The following AGBL1 variants were observed in gnomAD, a reference collection of about 807,000 sequenced individuals.
AGBL1 encodes cytosolic carboxypeptidase 4.
Under a neutral mutation model 118.9 loss-of-function variants are expected in AGBL1, and 130 were observed. The observed-to-expected ratio is 1.09, with a 90% CI of 0.95 to 1.26. AGBL1 has a LOEUF of 1.26. AGBL1 is among the 50% of genes most tolerant of loss of function. AGBL1 has a pLI of 0.00. For synonymous variants in AGBL1, 555 were observed against 478.9 expected (o/e 1.16, Z -2.08); for missense variants, 1,584 against 1,298.1 (o/e 1.22, Z -3.38).
At chr15:86,336,586 C>T (rs1231314654) in intron 17 of AGBL1, among the ~76,000 whole-genome samples, 1 of 152,152 alleles carries the variant, frequency 6.6e-6, no homozygotes, top group African/African-American at 2.4e-5. Flanking sequence ...CTGGCATCAG[C>T]ATGAGGAGGG....
intron 19 of AGBL1, among the ~76,000 whole-genome samples, chr15:86,523,775 A>G (rs2083222537): frequency 6.6e-6 from 1 of 152,196 alleles, no homozygotes; most frequent in Non-Finnish European, 1.5e-5. Flanking sequence ...CCAAGCCTCT[A>G]GTACTATACA....
intron 23 of AGBL1, among the ~76,000 whole-genome samples, chr15:86,964,330 G>A (rs2081027517): frequency 6.6e-6 from 1 of 151,872 alleles, no homozygotes; most frequent in Non-Finnish European, 1.5e-5. Flanking sequence ...GGAGGGTTAT[G>A]CTATGTATTG....
intron 5 of AGBL1, among the ~76,000 whole-genome samples, chr15:86,160,278 A>G (rs2077249267): frequency 2.6e-5 from 4 of 152,084 alleles, no homozygotes; most frequent in African/African-American, 9.7e-5. Context: ...TAAAAAACTC[A>G]GGGACCAAAA....
chr15:86,636,702 CAT>C lies in AGBL1; in HGVS notation c.2995-37515_2995-37514del, dbSNP rs1157674222. On this transcript the variant is annotated intron_variant, in intron 21 of 22. Coordinates refer to ENST00000614907, the MANE Select transcript of AGBL1 (RefSeq NM_001386094.1). ...TACAGCTTTGCATGGAACCACCAGT[CAT>C]ATATATATATATATATATATATATA... is the stretch of plus-strand genomic sequence containing the variant. Among the ~76,000 whole-genome samples the C allele has an allele frequency of 2.9e-3, 77 of 26,740 alleles. 3 individuals are homozygous for C. Among genetic ancestry groups the C allele is most frequent in the Non-Finnish European group, 4.4e-3 (51 of 11,666 alleles). 17.5% of individuals were successfully genotyped at this position (26,740 alleles called of 152,430 possible).
intron 17 of AGBL1, among the ~76,000 whole-genome samples, chr15:86,389,205 A>G (rs1410777388): frequency 6.6e-6 from 1 of 152,200 alleles, no homozygotes; most frequent in African/African-American, 2.4e-5. Context: ...AATTTCGATA[A>G]AAGTTTTTTT....
At chr15:86,343,095 T>C (rs1393880154) in intron 17 of AGBL1, among the ~76,000 whole-genome samples, 1 of 152,186 alleles carries the variant, frequency 6.6e-6, no homozygotes, top group Non-Finnish European at 1.5e-5. Context: ...CTTGATGTGC[T>C]GGACATTTTC....
intron 17 of AGBL1, among the ~76,000 whole-genome samples, chr15:86,386,947 G>T (rs1017767545): frequency 3.0e-4 from 46 of 152,096 alleles, no homozygotes; most frequent in Non-Finnish European, 3.1e-4. Flanking sequence ...GACATAACTG[G>T]GCATGGAGGA....
intron 22 of AGBL1, among the ~76,000 whole-genome samples, chr15:86,884,329 A>G (rs535529273): frequency 6.6e-6 from 1 of 152,288 alleles, no homozygotes; most frequent in African/African-American, 2.4e-5. Flanking sequence ...TCAGGCCAGG[A>G]TGGAGTGGGA....
intron 5 of AGBL1, among the ~76,000 whole-genome samples, chr15:86,204,732 G>T (rs2077963318): frequency 6.6e-6 from 1 of 152,126 alleles, no homozygotes; most frequent in Admixed American, 6.5e-5. Flanking sequence ...TGGGACTACA[G>T]GCGTGCACCA....
intron 22 of AGBL1, among the ~76,000 whole-genome samples, chr15:86,854,211 G>T (rs1488577761): frequency 6.6e-6 from 1 of 152,114 alleles, no homozygotes; most frequent in Non-Finnish European, 1.5e-5. Flanking sequence ...AGTTGATGGG[G>T]GTGTACATCC....
In AGBL1 at chr15:86,754,429, G is replaced by A. The variant is rs143298363; in HGVS notation, c.3158+79993G>A. On this transcript the variant is annotated intron_variant, in intron 22 of 22. Transcript: ENST00000614907. ...ATGGTTCTGTCACCAGGTAGGTTCT[G>A]ATGTCTGGGTTTTGTTTATTTTCCT... Among the ~76,000 whole-genome samples, 20 of 152,252 alleles carry A rather than the reference G, an allele frequency of 1.3e-4. No individual in the cohort carries two copies. The East Asian group carries it at 3.5e-3, about 27-fold the overall frequency.
At chr15:86,924,256 G>T (rs1273087229) in intron 23 of AGBL1, among the ~76,000 whole-genome samples, 1 of 152,218 alleles carries the variant, frequency 6.6e-6, no homozygotes, top group African/African-American at 2.4e-5. Flanking sequence ...TGCCTGAAAG[G>T]ACATTGTGAT....
chr15:86,103,005 T>C (rs1348851659), intron 1 of AGBL1, among the ~76,000 whole-genome samples: 1 of 152,212 alleles, frequency 6.6e-6, no homozygotes, highest in Non-Finnish European at 1.5e-5. Context: ...TTGTTCATTC[T>C]TTTTTCTTCA....
intron 21 of AGBL1, among the ~76,000 whole-genome samples, chr15:86,601,708 G>A (rs1334355968): frequency 1.3e-5 from 2 of 152,104 alleles, no homozygotes; most frequent in Admixed American, 6.6e-5. Flanking sequence ...TGGTGTTTTA[G>A]GCAGAATCCT....
intron 22 of AGBL1, among the ~76,000 whole-genome samples, chr15:86,695,946 T>C (rs1395925228): frequency 6.6e-6 from 1 of 152,102 alleles, no homozygotes; most frequent in African/African-American, 2.4e-5. Context: ...GATTCCACTG[T>C]TGTCTGACAA....
intron 23 of AGBL1, among the ~76,000 whole-genome samples, chr15:86,959,200 C>A (rs1016348339): frequency 1.6e-4 from 25 of 152,008 alleles, no homozygotes; most frequent in African/African-American, 5.8e-4. Flanking sequence ...ACATAATAAT[C>A]TTATTGCTCT....
chr15:86,729,712 T>A (rs2077503132), intron 22 of AGBL1, among the ~76,000 whole-genome samples: 1 of 152,234 alleles, frequency 6.6e-6, no homozygotes. Flanking sequence ...TCTTTGCTAT[T>A]GTGAACAGTG....
intron 9 of AGBL1, among the ~76,000 whole-genome samples, chr15:86,262,368 T>C (rs1448727446): frequency 1.3e-5 from 2 of 152,076 alleles, no homozygotes; most frequent in African/African-American, 4.8e-5. Flanking sequence ...CTGCTCACAG[T>C]CGGTGCTGAT....
In AGBL1 at chr15:86,147,568, G is replaced by A. The variant is rs538550335; in HGVS notation, c.262+3723G>A. On this transcript the variant is annotated intron_variant, in intron 3 of 22. Coordinates refer to ENST00000614907, the MANE Select transcript of AGBL1 (RefSeq NM_001386094.1). ...CAGCCTGGCTGGGGGAAGGGTGTCC[G>A]CCATTGCTGAGGCCTGACTAGGTAA... Among the ~76,000 whole-genome samples the A allele has an allele frequency of 1.5e-3, 234 of 152,302 alleles. 1 individual carries two copies. Among genetic ancestry groups the A allele is most frequent in the Admixed American group, 4.6e-3 (70 of 15,286 alleles).
Sources: gnomAD v4.1 joint callset for allele counts (sites outside exome capture counted in the v4.1 genomes callset) on GRCh38, gnomAD v4.1.1 for gene constraint, MANE v1.5 for transcripts, NCBI Gene and HGNC (gene_info 2026-07-23, HGNC 2026-07-21) for gene names.